CUL5: variants seen among roughly 807,000 people sequenced by gnomAD.
CUL5 encodes the protein cullin-5.
A neutral mutation model predicts 108.8 loss-of-function variants in CUL5; 26 were observed. The ratio of observed to expected loss-of-function variants is 0.24; its 90% CI spans 0.18 to 0.33. The LOEUF (loss-of-function observed/expected upper bound fraction) is 0.33, where lower values mean the gene tolerates loss of function less well. Among genes scored for constraint, CUL5 ranks in the 10% least tolerant of loss-of-function variants. The pLI is 1.00. For missense variants in CUL5, 524 were observed against 909.2 expected (o/e 0.58, Z 5.45); for synonymous variants, 334 against 298.0 (o/e 1.12, Z -1.25).
rs1168623634 is a variant in CUL5, at chr11:108,105,909, C to A, written c.*1525C>A. 1 of 151,994 alleles carries A rather than the reference C, an allele frequency of 6.6e-6. No homozygotes were observed. The highest frequency in any genetic ancestry group is 6.6e-5 in the Admixed American group (1 of 15,254). The allele number at this position is 151,994 out of a possible 1,614,324, so 9.4% of individuals were successfully genotyped here. On this transcript the variant is annotated 3_prime_UTR_variant, in exon 19 of 19. Transcript: ENST00000393094. ...TCAAGAGCATTTCGTAGGATCTGTC[C>A]CCATCCGAAGAGGCTTTGTGAACTG... is the stretch of plus-strand genomic sequence containing the variant.
At chr11:108,065,931 T>G (rs909534524) in intron 7 of CUL5, among the ~76,000 whole-genome samples, 3 of 152,246 alleles carry the variant, frequency 2.0e-5, no homozygotes, top group Non-Finnish European at 2.9e-5. Flanking sequence ...CTCACTATGT[T>G]GTCCAGCCTG....
At chr11:108,020,279 G>C (rs1468800384) in intron 1 of CUL5, among the ~76,000 whole-genome samples, 1 of 152,110 alleles carries the variant, frequency 6.6e-6, no homozygotes, top group Non-Finnish European at 1.5e-5. Context: ...AGGCATTCCA[G>C]AAGAAGGCGT....
intron 1 of CUL5, 37 bp downstream of exon 1, chr11:108,009,409 G>T: frequency 6.2e-7 from 1 of 1,611,842 alleles, no homozygotes; most frequent in Non-Finnish European, 8.5e-7. Context: ...TTACTGTGTG[G>T]CCGCCGGGTT....
intron 1 of CUL5, among the ~76,000 whole-genome samples, chr11:108,033,260 A>C (rs1565237938): frequency 6.6e-6 from 1 of 152,222 alleles, no homozygotes; most frequent in African/African-American, 2.4e-5. Context: ...AGCTCACCCA[A>C]CCTTTACTGT....
At chr11:108,056,335 A>T (rs1863376456) in intron 7 of CUL5, among the ~76,000 whole-genome samples, 2 of 152,104 alleles carry the variant, frequency 1.3e-5, no homozygotes, top group African/African-American at 4.8e-5. Context: ...TCTGAATGGG[A>T]TTTAAAATTT....
chr11:108,069,543 T>G (rs897627362), intron 7 of CUL5, among the ~76,000 whole-genome samples: 4 of 152,132 alleles, frequency 2.6e-5, no homozygotes, highest in Non-Finnish European at 5.9e-5. Context: ...TTTCTAAGTT[T>G]TTTTTTATTT....
At chr11:108,087,237 G>A (rs1367042534) in intron 11 of CUL5, among the ~76,000 whole-genome samples, 1 of 152,024 alleles carries the variant, frequency 6.6e-6, no homozygotes, top group Admixed American at 6.5e-5. Context: ...TAATTGGGAG[G>A]AAAAAAGTTT....
At chr11:108,091,732 C>CACACACA (rs1555024090) in intron 13 of CUL5, among the ~76,000 whole-genome samples, 8 of 149,792 alleles carry the variant, frequency 5.3e-5, no homozygotes, top group African/African-American at 9.9e-5. Flanking sequence ...CACACACACA[C>CACACACA]GACAAATAAT....
chr11:108,038,388 T>C (rs1321657292), intron 2 of CUL5, among the ~76,000 whole-genome samples: 1 of 152,144 alleles, frequency 6.6e-6, no homozygotes, highest in East Asian at 1.9e-4. Context: ...CTCAACATGA[T>C]GTTTTTAAAG....
chr11:108,028,448 A>G (rs1258178297), intron 1 of CUL5, among the ~76,000 whole-genome samples: 2 of 152,178 alleles, frequency 1.3e-5, no homozygotes, highest in African/African-American at 4.8e-5. Flanking sequence ...CCAAGTCACC[A>G]TCAGTGCTTC....
Position 108,104,199 on chromosome 11 carries a change from A to T in CUL5, c.2158A>T (p.Ile720Leu). Residue 720 changes from isoleucine to leucine, a missense_variant, in exon 19 of 19, where the codon ATA becomes TTA. Physicochemically the swap from Ile to Leu is conservative, Grantham distance 5. This residue lies in a region of CUL5 where 66 missense variants were observed against 81.4 expected (regional missense o/e 0.81). Transcript: ENST00000393094. ...LRILRTQEAIIQIMKMRKKIS... is the reference protein window; with the variant it reads ...LRILRTQEAILQIMKMRKKIS... ...TTATTTTTTCTTTTAGGAAGCTATC[A>T]TACAAATAATGAAAATGAGAAAGAA... 6.4e-7 allele frequency: 1 copy of T among 1,565,856 alleles called. No individual in the cohort carries two copies. Among genetic ancestry groups the T allele is most frequent in the Non-Finnish European group, 8.6e-7 (1 of 1,156,402 alleles).
At chr11:108,033,538 A>G (rs1862648225) in intron 1 of CUL5, among the ~76,000 whole-genome samples, 1 of 152,244 alleles carries the variant, frequency 6.6e-6, no homozygotes, top group South Asian at 2.1e-4. Flanking sequence ...GAGATTATCT[A>G]CTAGAAGCCA....
chr11:108,055,517 T>A (rs1181117422), intron 7 of CUL5, among the ~76,000 whole-genome samples: 1 of 152,044 alleles, frequency 6.6e-6, no homozygotes, highest in Non-Finnish European at 1.5e-5. Flanking sequence ...AGTGGTGCAA[T>A]TATACCTCAC....
intron 18 of CUL5, among the ~76,000 whole-genome samples, chr11:108,100,255 A>C (rs1350249909): frequency 1.3e-5 from 2 of 152,192 alleles, no homozygotes; most frequent in Non-Finnish European, 2.9e-5. Context: ...GAAGAAAATA[A>C]CTTTAGGCTC....
At chr11:108,048,595 G>A (rs1261692903) in intron 3 of CUL5, among the ~76,000 whole-genome samples, 3 of 147,666 alleles carry the variant, frequency 2.0e-5, no homozygotes, top group African/African-American at 5.2e-5. Flanking sequence ...GTTGGTCAAA[G>A]TAAATCACAG....
At chr11:108,096,597 A>G (rs1178239286) in intron 16 of CUL5, among the ~76,000 whole-genome samples, 1 of 103,060 alleles carries the variant, frequency 9.7e-6, no homozygotes, top group Non-Finnish European at 1.8e-5. Context: ...TTTTTGAGAC[A>G]CTCTTGTCGC....
At chr11:108,016,310 A>T (rs895175220) in intron 1 of CUL5, among the ~76,000 whole-genome samples, 2 of 151,892 alleles carry the variant, frequency 1.3e-5, no homozygotes, top group Non-Finnish European at 2.9e-5. Flanking sequence ...TCTGTCCCCC[A>T]GTCTGGAGTA....
intron 1 of CUL5, among the ~76,000 whole-genome samples, chr11:108,013,479 G>C (rs979081307): frequency 3.3e-5 from 5 of 152,040 alleles, no homozygotes; most frequent in African/African-American, 1.2e-4. Context: ...CTCTCTCTCT[G>C]TCTCTTGTCT....
At chr11:108,011,097 A>G (rs1862047156) in intron 1 of CUL5, among the ~76,000 whole-genome samples, 2 of 152,246 alleles carry the variant, frequency 1.3e-5, no homozygotes, top group Admixed American at 1.3e-4. Context: ...AAACGTGTTT[A>G]AGAAGTAATT....
Sources: gnomAD v4.1 joint callset for allele counts (sites outside exome capture counted in the v4.1 genomes callset) on GRCh38, gnomAD v4.1.1 for gene constraint, gnomAD v4.1.1 regional missense constraint, MANE v1.5 for transcripts, NCBI Gene and HGNC (gene_info 2026-07-23, HGNC 2026-07-21) for gene names.